ELK4: variants seen among roughly 807,000 people sequenced by gnomAD.
ELK4 encodes the protein ETS transcription factor ELK4.
ELK4 carries 16 observed loss-of-function variants against 29.6 expected under a neutral mutation model. The observed-to-expected ratio is 0.54, with a 90% CI of 0.37 to 0.82. The LOEUF is 0.82. ELK4 is among the 40% of genes least tolerant of loss of function. The pLI, the probability that ELK4 is intolerant of heterozygous loss-of-function variation, is 0.00. For missense variants in ELK4, 465 were observed against 507.1 expected (o/e 0.92, Z 0.80); for synonymous variants, 213 against 191.1 (o/e 1.11, Z -0.95).
chr1:205,620,673 TC>T lies in ELK4; in HGVS notation c.372del (p.Asp126IlefsTer30). On this transcript the variant is annotated frameshift_variant, in exon 3 of 5. Coordinates refer to ENST00000357992, the MANE Select transcript of ELK4 (RefSeq NM_001973.4). LOFTEE classifies it high-confidence loss of function. Reference sequence around the variant, plus strand: ...GCACCAGGCTGAGGTGGTTTATCTTTCCCTCCATTCTCCACATCTTTGGAAC... The same window carrying T: ...GCACCAGGCTGAGGTGGTTTATCTTTCCTCCATTCTCCACATCTTTGGAAC... ...SSSSKDVENG[G>X]KDKPPQPGAK... 6.2e-7 allele frequency: 1 copy of T among 1,614,170 alleles called. No individual in the cohort carries two copies. The highest frequency in any genetic ancestry group is 8.5e-7 in the Non-Finnish European group (1 of 1,180,026).
intron 4 of ELK4, 62 bp from the exon 5 acceptor site, chr1:205,616,706 C>T: frequency 6.9e-7 from 1 of 1,451,672 alleles, no homozygotes. Flanking sequence ...TACTTTCTAT[C>T]CTACTCTATT....
chr1:205,623,950 G>GT, intron 1 of ELK4, 59 bp from the exon 2 acceptor site: 1 of 1,471,218 alleles, frequency 6.8e-7, no homozygotes, highest in South Asian at 1.1e-5. Context: ...ATTTAACACT[G>GT]TATGTCATGC....
At position 205,612,107 on chromosome 1, in the gene ELK4, C is replaced by T. The variant is rs889563979; in HGVS notation, c.*4439G>A. The T allele has an allele frequency of 3.6e-5, 7 of 195,140 alleles. No homozygotes were observed. The highest frequency in any genetic ancestry group is 9.3e-5 in the African/African-American group (4 of 43,168). The allele number at this position is 195,140 out of a possible 1,614,324, so 12.1% of individuals were successfully genotyped here. A position where few individuals can be genotyped will look rare whatever the true frequency, so the allele number is the denominator to read the frequency against. ...ATGAAGATAAGAGACAACAGGCTGA[C>T]GAAAGTAATAGGAATAAAGCTGTGG... is the stretch of plus-strand genomic sequence containing the variant. On this transcript the variant is annotated 3_prime_UTR_variant, in exon 5 of 5. Transcript: ENST00000357992.
At chr1:205,627,580 TAC>T (rs1670491086) in intron 1 of ELK4, among the ~76,000 whole-genome samples, 2 of 152,016 alleles carry the variant, frequency 1.3e-5, no homozygotes. Context: ...CACAGCATAT[TAC>T]ACCTAAGGAG....
At position 205,620,752 on chromosome 1, in the gene ELK4, C is replaced by T; in HGVS notation, c.294G>A (p.Val98=). The change falls in exon 3 of 5, where the codon GTG becomes GTA. Residue 98 remains valine (V), a synonymous_variant. Transcript: ENST00000357992. ...PEILNMDPMT[V]GRIEGDCESL... The stretch of plus-strand genomic sequence containing the variant: ...TTTCACAGTCACCCTCAATCCTGCC[C>T]ACTGTCATTGGATCCATGTTCAAAA... The T allele has an allele frequency of 2.5e-6, 4 of 1,614,086 alleles. No individual in the cohort carries two copies. The highest frequency in any genetic ancestry group is 3.4e-6 in the Non-Finnish European group (4 of 1,180,032).
At chr1:205,630,031 T>A (rs896897402) in intron 1 of ELK4, among the ~76,000 whole-genome samples, 4 of 151,866 alleles carry the variant, frequency 2.6e-5, no homozygotes, top group Admixed American at 2.0e-4. Context: ...TGAGACCTTG[T>A]CTCTAACAAA....
intron 2 of ELK4, among the ~76,000 whole-genome samples, chr1:205,622,157 T>G (rs542170318): frequency 6.6e-6 from 1 of 152,040 alleles, no homozygotes; most frequent in Non-Finnish European, 1.5e-5. Flanking sequence ...GAAGTTGCAG[T>G]GAGCTGAGAT....
At chr1:205,631,116 G>A (rs970330393) in intron 1 of ELK4, among the ~76,000 whole-genome samples, 6 of 152,232 alleles carry the variant, frequency 3.9e-5, no homozygotes, top group African/African-American at 1.4e-4. Context: ...CTGTGCACAA[G>A]GCGGAAAGTA....
rs1427917497 is a variant in ELK4, at chr1:205,631,883, C to T, written c.-261G>A. ...CGCACGCGGCAGCGGCGGCGCGGGTCTTGGGGCCGCTACACGCCGGGCGCG... is the reference window on the plus strand; with the variant it reads ...CGCACGCGGCAGCGGCGGCGCGGGTTTTGGGGCCGCTACACGCCGGGCGCG... On this transcript the variant is annotated 5_prime_UTR_variant, in exon 1 of 5. Coordinates refer to ENST00000357992, the MANE Select transcript of ELK4 (RefSeq NM_001973.4). The T allele has an allele frequency of 6.0e-5, 9 of 149,268 alleles. No individual in the cohort carries two copies. Among genetic ancestry groups the T allele is most frequent in the Non-Finnish European group, 1.3e-4 (9 of 67,002 alleles). The allele number at this position is 149,268 out of a possible 1,614,324, so 9.2% of individuals were successfully genotyped here. A position where few individuals can be genotyped will look rare whatever the true frequency, so the allele number is the denominator to read the frequency against.
intron 2 of ELK4, among the ~76,000 whole-genome samples, chr1:205,623,095 T>G (rs2102381312): frequency 6.7e-6 from 1 of 148,828 alleles, no homozygotes; most frequent in East Asian, 2.0e-4. Flanking sequence ...GAGGCAGAGG[T>G]TGCAGTAAGC....
Position 205,619,982 on chromosome 1 carries a change from G to C in ELK4, c.1064C>G (p.Pro355Arg). 6.2e-7 allele frequency: 1 copy of C among 1,614,212 alleles called. No individual in the cohort carries two copies. Among genetic ancestry groups the C allele is most frequent in the Non-Finnish European group, 8.5e-7 (1 of 1,180,046 alleles). ...SPSLPTASLT[P>R]AFFSQTPIIL... ...GCAAGCTACCTGTGAAAAAAATGCTGGTGTAAGAGAAGCTGTAGGGAGAGA... is the reference window on the plus strand; with the variant it reads ...GCAAGCTACCTGTGAAAAAAATGCTCGTGTAAGAGAAGCTGTAGGGAGAGA... Residue 355 changes from proline to arginine, a missense_variant, in exon 3 of 5, where the codon CCA (proline) becomes CGA (arginine). Transcript: ENST00000357992.
At chr1:205,626,205 TC>T (rs1165527389) in intron 1 of ELK4, 1 of 574,254 alleles carries the variant, frequency 1.7e-6, no homozygotes, top group African/African-American at 1.9e-5. Flanking sequence ...AGAGGTGGCC[TC>T]CCTTTCTTGA....
At chr1:205,622,548 G>T (rs34087906) in intron 2 of ELK4, among the ~76,000 whole-genome samples, 1 of 151,718 alleles carries the variant, frequency 6.6e-6, no homozygotes, top group African/African-American at 2.4e-5. Flanking sequence ...GTACACCACC[G>T]CGCCACACTG....
In ELK4 at chr1:205,610,782, C is replaced by A. The variant is rs150146319; in HGVS notation, c.*5764G>T. 2.1e-4 allele frequency: 49 copies of A among 232,426 alleles called. No homozygotes were observed. Among genetic ancestry groups the A allele is most frequent in the Middle Eastern group, 1.3e-3 (1 of 776 alleles). 14.4% of individuals were successfully genotyped at this position (232,426 alleles called of 1,614,324 possible). On this transcript the variant is annotated 3_prime_UTR_variant, in exon 5 of 5. Transcript: ENST00000357992. ...GAAAACAGATTTACACGCGCACACA[C>A]ACACACACACACATTCAGTCAATAC...
In ELK4 at chr1:205,610,450, CTT is replaced by C. The variant is rs1407138066; in HGVS notation, c.*6094_*6095del. 2 of 230,060 alleles carry C rather than the reference CTT, an allele frequency of 8.7e-6. No individual in the cohort carries two copies. Among genetic ancestry groups the C allele is most frequent in the Non-Finnish European group, 1.7e-5 (2 of 116,244 alleles). 14.3% of individuals were successfully genotyped at this position (230,060 alleles called of 1,614,324 possible). On this transcript the variant is annotated 3_prime_UTR_variant, in exon 5 of 5. Coordinates refer to ENST00000357992, the MANE Select transcript of ELK4 (RefSeq NM_001973.4). ...ATACTGCTTCCAGTATAAACCTCCT[CTT>C]TGAGAAACTTACAAACTAATAAAGA...
rs1395038884 is a variant in ELK4 at position 205,608,205 on chromosome 1, G to A, written c.*8341C>T. The A allele has an allele frequency of 5.4e-6, 1 of 184,178 alleles. No individual in the cohort carries two copies. Among genetic ancestry groups the A allele is most frequent in the Non-Finnish European group, 1.1e-5 (1 of 87,368 alleles). 11.4% of individuals were successfully genotyped at this position (184,178 alleles called of 1,614,324 possible). ...AATTTTTGCATAAAACCTGGGAAGTGATAGAAAAAATGATCACCTGATTGG... is the reference window on the plus strand; with the variant it reads ...AATTTTTGCATAAAACCTGGGAAGTAATAGAAAAAATGATCACCTGATTGG... On this transcript the variant is annotated 3_prime_UTR_variant, in exon 5 of 5. Coordinates refer to ENST00000357992, the MANE Select transcript of ELK4 (RefSeq NM_001973.4).
intron 3 of ELK4, chr1:205,619,654 G>A (rs956693736): frequency 7.3e-7 from 1 of 1,363,808 alleles, no homozygotes; most frequent in African/African-American, 1.5e-5. Flanking sequence ...TGTTTTATAA[G>A]ACACCAACGA....
At chr1:205,624,789 C>T (rs1421225195) in intron 1 of ELK4, among the ~76,000 whole-genome samples, 1 of 152,094 alleles carries the variant, frequency 6.6e-6, no homozygotes, top group Non-Finnish European at 1.5e-5. Context: ...ACCGCCTGCC[C>T]CATTGAGACC....
At chr1:205,623,497 TAGAGAC>T (rs1407953019) in intron 2 of ELK4, among the ~76,000 whole-genome samples, 173 bp downstream of exon 2, 1 of 151,914 alleles carries the variant, frequency 6.6e-6, no homozygotes, top group Non-Finnish European at 1.5e-5. Flanking sequence ...GTATTTTTGG[TAGAGAC>T]AGGGTTTCAC....
Sources: allele counts gnomAD v4.1 joint callset (sites outside exome capture counted in the v4.1 genomes callset), GRCh38; gene constraint gnomAD v4.1.1; transcripts MANE v1.5; gene names NCBI Gene and HGNC (gene_info 2026-07-23, HGNC 2026-07-21).